MYRFL: variants seen among roughly 807,000 people sequenced by gnomAD.
MYRFL encodes myelin regulatory factor-like protein.
In MYRFL, 88 loss-of-function variants were observed where a neutral mutation model predicts 109.4. That is an observed-to-expected ratio of 0.80 (90% CI 0.68 to 0.96). The LOEUF is 0.96. Among genes scored for constraint, MYRFL ranks in the 40% least tolerant of loss-of-function variants. The pLI, the probability that MYRFL is intolerant of heterozygous loss-of-function variation, is 0.00. For synonymous variants in MYRFL, 324 were observed against 320.9 expected, an observed-to-expected ratio of 1.01 and a Z score of -0.10; for missense variants, 957 against 954.9, an observed-to-expected ratio of 1.00 and a Z score of -0.03.
chr12:69,896,770 G>A (rs537189404), intron 9 of MYRFL, among the ~76,000 whole-genome samples: 3 of 152,338 alleles, frequency 2.0e-5, no homozygotes, highest in African/African-American at 7.2e-5. Flanking sequence ...GTGGCTTCCT[G>A]TTGTATTTGT....
intron 11 of MYRFL, among the ~76,000 whole-genome samples, chr12:69,908,013 T>C (rs898318541): frequency 1.3e-5 from 2 of 152,160 alleles, no homozygotes; most frequent in African/African-American, 4.8e-5. Context: ...TCTGCCTTTG[T>C]TCTGCAGATG....
chr12:69,958,873 G>A lies in MYRFL; in HGVS notation c.*342G>A, dbSNP rs953229105. On this transcript the variant is annotated 3_prime_UTR_variant, in exon 25 of 25. Transcript: ENST00000552032. ...GATCTAGCCTCTATTTTGTTTTAAT[G>A]TATTTTAAAGCTTTTGAAAAAACCA... The A allele has an allele frequency of 1.5e-5, 3 of 199,632 alleles. No homozygotes were observed. The highest frequency in any genetic ancestry group is 5.7e-5 in the Admixed American group (1 of 17,614). The allele number at this position is 199,632 out of a possible 1,614,324, so 12.4% of individuals were successfully genotyped here.
chr12:69,860,447 A>T (rs1191037063), intron 2 of MYRFL, among the ~76,000 whole-genome samples: 2 of 152,060 alleles, frequency 1.3e-5, no homozygotes, highest in Non-Finnish European at 2.9e-5. Context: ...GCCATCCTTT[A>T]ATTGTAACCT....
chr12:69,843,763 G>A (rs1359717376), intron 1 of MYRFL, among the ~76,000 whole-genome samples: 1 of 152,200 alleles, frequency 6.6e-6, no homozygotes, highest in Non-Finnish European at 1.5e-5. Flanking sequence ...TGCTGCTCCT[G>A]GAAAGGGAGG....
chr12:69,952,549 T>C (rs1956004396), intron 20 of MYRFL, among the ~76,000 whole-genome samples: 3 of 152,262 alleles, frequency 2.0e-5, no homozygotes, highest in African/African-American at 7.2e-5. Flanking sequence ...AGAAATTCTT[T>C]TGAATGTTAT....
chr12:69,833,301 A>G (rs1385659603), intron 1 of MYRFL, among the ~76,000 whole-genome samples: 2 of 152,146 alleles, frequency 1.3e-5, no homozygotes, highest in East Asian at 3.9e-4. Flanking sequence ...AAACTAGGAA[A>G]GAAAGTGTTT....
At chr12:69,845,933 A>C (rs1037364961) in intron 1 of MYRFL, among the ~76,000 whole-genome samples, 2 of 152,098 alleles carry the variant, frequency 1.3e-5, no homozygotes, top group Non-Finnish European at 2.9e-5. Flanking sequence ...TGCATCATGC[A>C]GTGCTCTTGA....
At chr12:69,860,816 T>G (rs1884607046) in intron 2 of MYRFL, among the ~76,000 whole-genome samples, 1 of 150,700 alleles carries the variant, frequency 6.6e-6, no homozygotes, top group South Asian at 2.1e-4. Flanking sequence ...TGTATACATG[T>G]GCCATGCTGG....
intron 2 of MYRFL, among the ~76,000 whole-genome samples, chr12:69,877,024 T>TTTCTTTCTTTCTTTC (rs55694465): frequency 0.014 from 935 of 65,210 alleles, 10 homozygotes; most frequent in Middle Eastern, 0.029. Flanking sequence ...TCTTTCTTTC[T>TTTCTTTCTTTCTTTC]TTTTTTTTTT....
intron 19 of MYRFL, among the ~76,000 whole-genome samples, chr12:69,940,391 C>T (rs1318650186): frequency 6.6e-5 from 10 of 150,596 alleles, no homozygotes; most frequent in African/African-American, 2.4e-4. Flanking sequence ...GAGTGGGGGC[C>T]AATATTCAAC....
chr12:69,898,848 A>C (rs1180751354), intron 10 of MYRFL, among the ~76,000 whole-genome samples: 1 of 152,182 alleles, frequency 6.6e-6, no homozygotes, highest in Non-Finnish European at 1.5e-5. Context: ...AAGTCCACAC[A>C]ACAGCAACAT....
In MYRFL at chr12:69,903,782, A is replaced by G. The variant is rs967235791; in HGVS notation, c.1321A>G (p.Met441Val). The change falls in exon 11 of 25, where the codon ATG becomes GTG. Residue 441 changes from methionine to valine, a missense_variant. Met to Val is a conservative substitution (Grantham distance 21). Transcript: ENST00000552032. Reference protein sequence around the residue: ...PDEALVVCGNMKVMGTIMHPS... With the variant: ...PDEALVVCGNVKVMGTIMHPS... ...CGAAGCCCTGGTTGTCTGTGGCAAC[A>G]TGAAAGTGATGGGGACCATCATGCA... The G allele has an allele frequency of 6.5e-7, 1 of 1,535,756 alleles. No individual in the cohort carries two copies. Among genetic ancestry groups the G allele is most frequent in the Admixed American group, 2.0e-5 (1 of 50,992 alleles).
intron 20 of MYRFL, 40 bp from the exon 21 acceptor site, chr12:69,952,759 A>G (rs1956010753): frequency 7.3e-7 from 1 of 1,374,296 alleles, no homozygotes; most frequent in Non-Finnish European, 9.9e-7. Context: ...TTTTCCTTTC[A>G]GAAGAGTTTA....
Position 69,958,732 on chromosome 12 carries a change from T to C in MYRFL, c.*201T>C, listed in dbSNP as rs1165438921. ...ATGTTTGCTGAAACTTGAAATAATG[T>C]GATGTTTGATTTTGCCATGACTATG... On this transcript the variant is annotated 3_prime_UTR_variant, in exon 25 of 25. Coordinates refer to ENST00000552032, the MANE Select transcript of MYRFL (RefSeq NM_182530.3). 3 of 519,320 alleles carry C rather than the reference T, an allele frequency of 5.8e-6. No individual in the cohort carries two copies. The highest frequency in any genetic ancestry group is 1.0e-5 in the Non-Finnish European group (3 of 297,430). 32.2% of individuals were successfully genotyped at this position (519,320 alleles called of 1,614,324 possible). A position where few individuals can be genotyped will look rare whatever the true frequency, so the allele number is the denominator to read the frequency against.
At chr12:69,877,685 G>A (rs1301102314) in intron 2 of MYRFL, among the ~76,000 whole-genome samples, 1 of 152,102 alleles carries the variant, frequency 6.6e-6, no homozygotes, top group African/African-American at 2.4e-5. Flanking sequence ...CTTATTAATA[G>A]GAAGTGAATA....
intron 2 of MYRFL, among the ~76,000 whole-genome samples, chr12:69,871,324 C>T (rs556763360): frequency 6.6e-6 from 1 of 151,592 alleles, no homozygotes; most frequent in South Asian, 2.1e-4. Context: ...GCTCCGCCTC[C>T]CGGGTTCACG....
rs1954907195 is a variant in MYRFL at position 69,921,406 on chromosome 12, C to A, written c.1603-5165C>A. 2.6e-5 allele frequency among the ~76,000 whole-genome samples: 4 copies of A among 152,184 alleles called. No homozygotes were observed. The South Asian group carries it at 8.3e-4, about 31-fold the overall frequency. On this transcript the variant is annotated intron_variant, in intron 13 of 24. Coordinates refer to ENST00000552032, the MANE Select transcript of MYRFL (RefSeq NM_182530.3). ...ATTTAGAAAAAATTTCCTCAGGCAT[C>A]TGTGATATGGGTTCTTGGTTCAAAT...
At chr12:69,865,102 A>G (rs1884938812) in intron 2 of MYRFL, among the ~76,000 whole-genome samples, 2 of 152,206 alleles carry the variant, frequency 1.3e-5, no homozygotes, top group South Asian at 4.1e-4. Context: ...AATGGTCACA[A>G]CCAACACTCC....
intron 1 of MYRFL, among the ~76,000 whole-genome samples, chr12:69,842,962 TAAGTAAATGTGTAAGTAAATG>T (rs1883330536): frequency 6.6e-6 from 1 of 152,200 alleles, no homozygotes; most frequent in African/African-American, 2.4e-5. Flanking sequence ...GAATGAACAC[TAAGTAAATGTGTAAGTAAATG>T]AATAAAGCAA....
Sources: gnomAD v4.1 joint callset for allele counts (sites outside exome capture counted in the v4.1 genomes callset) on GRCh38, gnomAD v4.1.1 for gene constraint, MANE v1.5 for transcripts, NCBI Gene and HGNC (gene_info 2026-07-23, HGNC 2026-07-21) for gene names.